Variants in CAMKMT observed in about 807,000 individuals in gnomAD.
CAMKMT encodes calmodulin-lysine N-methyltransferase.
A neutral mutation model predicts 48.0 loss-of-function variants in CAMKMT; 53 were observed. The observed-to-expected ratio is 1.10, with a 90% CI of 0.89 to 1.39. CAMKMT has a LOEUF of 1.39. CAMKMT is among the 40% of genes most tolerant of loss of function. The pLI is 0.00. For missense variants in CAMKMT, 428 were observed against 402.7 expected (o/e 1.06, Z -0.54); for synonymous variants, 165 against 152.3 (o/e 1.08, Z -0.61).
intron 3 of CAMKMT, among the ~76,000 whole-genome samples, chr2:44,402,740 G>GTTTTTTTTTTTTTTTTTTTTTTTTTTGTT: frequency 1.1e-5 from 1 of 94,106 alleles, no homozygotes; most frequent in Non-Finnish European, 2.1e-5. Flanking sequence ...TTGTTTTGCT[G>GTTTTTTTTTTTTTTTTTTTTTTTTTTGTT]TTTTTTTTTT....
At chr2:44,451,834 A>C (rs973695514) in intron 3 of CAMKMT, among the ~76,000 whole-genome samples, 2 of 151,914 alleles carry the variant, frequency 1.3e-5, no homozygotes, top group African/African-American at 4.8e-5. Context: ...TGTATGTTTG[A>C]AATTTTCATG....
intron 3 of CAMKMT, among the ~76,000 whole-genome samples, chr2:44,699,534 A>G (rs1677145202): frequency 6.6e-6 from 1 of 152,228 alleles, no homozygotes; most frequent in Non-Finnish European, 1.5e-5. Flanking sequence ...ATGTACTATC[A>G]TCCAGGCTTT....
chr2:44,409,086 T>G (rs1682985584), intron 3 of CAMKMT, among the ~76,000 whole-genome samples: 1 of 1,356 alleles, frequency 7.4e-4, no homozygotes, highest in Non-Finnish European at 1.6e-3. Flanking sequence ...AGCCGATATA[T>G]ATATATATAT....
chr2:44,730,836 A>G (rs994739445), intron 7 of CAMKMT, among the ~76,000 whole-genome samples: 2 of 152,228 alleles, frequency 1.3e-5, no homozygotes, highest in Non-Finnish European at 1.5e-5. Context: ...GACTTTGAGA[A>G]GTGACATAAA....
chr2:44,673,512 AGGAAGGAAGGAG>A (rs1553435788), intron 3 of CAMKMT, among the ~76,000 whole-genome samples: 7,937 of 115,244 alleles, frequency 0.069, 308 homozygotes, highest in African/African-American at 0.1. Flanking sequence ...GAAGGAAGGA[AGGAAGGAAGGAG>A]GGAAGGAAGA....
chr2:44,485,015 A>C (rs1024090813), intron 3 of CAMKMT, among the ~76,000 whole-genome samples: 1 of 152,228 alleles, frequency 6.6e-6, no homozygotes, highest in Non-Finnish European at 1.5e-5. Flanking sequence ...AACCAAAATA[A>C]GATACCAACA....
At chr2:44,586,968 C>G (rs1189991897) in intron 3 of CAMKMT, among the ~76,000 whole-genome samples, 1 of 152,154 alleles carries the variant, frequency 6.6e-6, no homozygotes, top group Admixed American at 6.5e-5. Context: ...TTGGTGAGTC[C>G]TTTCCATTTT....
chr2:44,465,932 CAAAG>C (rs767293741), intron 3 of CAMKMT, among the ~76,000 whole-genome samples: 1 of 151,966 alleles, frequency 6.6e-6, no homozygotes, highest in Non-Finnish European at 1.5e-5. Flanking sequence ...TCACAAGAGA[CAAAG>C]AAGGACATTA....
intron 3 of CAMKMT, among the ~76,000 whole-genome samples, chr2:44,429,569 A>T (rs373735673): frequency 2.6e-5 from 4 of 152,100 alleles, no homozygotes; most frequent in African/African-American, 9.7e-5. Context: ...AGAAGAACGT[A>T]TAAGACAAAA....
rs533423201 is a variant in CAMKMT, at chr2:44,404,654, A to T, written c.376+14349A>T. Among the ~76,000 whole-genome samples, 4 of 152,212 alleles carry T rather than the reference A, an allele frequency of 2.6e-5. No homozygotes were observed. The South Asian group carries it at 8.3e-4, about 32-fold the overall frequency. ...CCTACCAGCTAATGCTAGCTTTTAAAAATCTACTTAATGTTTCTCTTTTCT... is the reference window on the plus strand; with the variant it reads ...CCTACCAGCTAATGCTAGCTTTTAATAATCTACTTAATGTTTCTCTTTTCT... On this transcript the variant is annotated intron_variant, in intron 3 of 10. Transcript: ENST00000378494.
chr2:44,477,726 A>G (rs983611649), intron 3 of CAMKMT, among the ~76,000 whole-genome samples: 1 of 152,278 alleles, frequency 6.6e-6, no homozygotes, highest in Non-Finnish European at 1.5e-5. Flanking sequence ...CGCACTAAAG[A>G]ATAGTCATTT....
chr2:44,545,980 TTAAG>T (rs1312257401), intron 3 of CAMKMT, among the ~76,000 whole-genome samples: 1 of 152,116 alleles, frequency 6.6e-6, no homozygotes, highest in Non-Finnish European at 1.5e-5. Context: ...AATTTAGACT[TTAAG>T]TAAGACTAAA....
intron 7 of CAMKMT, among the ~76,000 whole-genome samples, chr2:44,730,163 A>G (rs1679004755): frequency 6.6e-6 from 1 of 152,238 alleles, no homozygotes; most frequent in Non-Finnish European, 1.5e-5. Context: ...GACTTGGGAT[A>G]TTTGGGGAGC....
chr2:44,596,161 AT>A (rs1670644214), intron 3 of CAMKMT, among the ~76,000 whole-genome samples: 1 of 152,058 alleles, frequency 6.6e-6, no homozygotes, highest in South Asian at 2.1e-4. Flanking sequence ...AAAAAGACGA[AT>A]TCTTGGCTGG....
chr2:44,743,862 G>A (rs1416594369), intron 8 of CAMKMT, among the ~76,000 whole-genome samples, 166 bp downstream of exon 8: 1 of 152,200 alleles, frequency 6.6e-6, no homozygotes, highest in Admixed American at 6.5e-5. Context: ...TTATAAGGTA[G>A]TCTTCTATCA....
chr2:44,461,583 C>T (rs1282210127), intron 3 of CAMKMT, among the ~76,000 whole-genome samples: 1 of 152,184 alleles, frequency 6.6e-6, no homozygotes, highest in Non-Finnish European at 1.5e-5. Flanking sequence ...GGGAATGCAT[C>T]TGTCTTGTTC....
chr2:44,561,213 A>T (rs1668304773), intron 3 of CAMKMT, among the ~76,000 whole-genome samples: 1 of 152,118 alleles, frequency 6.6e-6, no homozygotes, highest in African/African-American at 2.4e-5. Flanking sequence ...ACTTGGCAGC[A>T]TACTCCTGGT....
chr2:44,583,661 T>G (rs1172793412), intron 3 of CAMKMT, among the ~76,000 whole-genome samples: 1 of 152,006 alleles, frequency 6.6e-6, no homozygotes, highest in Non-Finnish European at 1.5e-5. Context: ...CTGGGCATGG[T>G]GGCACACGCC....
intron 8 of CAMKMT, among the ~76,000 whole-genome samples, chr2:44,750,948 G>T (rs1214436964): frequency 6.6e-6 from 1 of 152,190 alleles, no homozygotes; most frequent in Non-Finnish European, 1.5e-5. Flanking sequence ...AGGAGGTGGA[G>T]GTTGCAGTGA....
Sources: gnomAD v4.1 joint callset for allele counts (sites outside exome capture counted in the v4.1 genomes callset) on GRCh38, gnomAD v4.1.1 for gene constraint, MANE v1.5 for transcripts, NCBI Gene and HGNC (gene_info 2026-07-23, HGNC 2026-07-21) for gene names.